Variants in TRHDE observed in about 807,000 individuals in gnomAD.
TRHDE encodes thyrotropin-releasing hormone-degrading ectoenzyme.
TRHDE carries 72 observed loss-of-function variants against 125.7 expected under a neutral mutation model. The observed-to-expected ratio is 0.57, with a 90% CI of 0.47 to 0.70. The LOEUF (loss-of-function observed/expected upper bound fraction) is 0.70, where lower values mean the gene tolerates loss of function less well. Ranked by LOEUF, TRHDE falls within the 30% of genes least tolerant of loss-of-function variation. TRHDE has a pLI of 0.00. For synonymous variants in TRHDE, 509 were observed against 509.1 expected, an observed-to-expected ratio of 1.00 and a Z score of 0.00; for missense variants, 1,110 against 1,327.1, an observed-to-expected ratio of 0.84 and a Z score of 2.54.
chr12:72,414,876 T>C (rs1177907798), intron 3 of TRHDE, among the ~76,000 whole-genome samples: 1 of 152,158 alleles, frequency 6.6e-6, no homozygotes, highest in East Asian at 1.9e-4. Flanking sequence ...ACTATGCTTT[T>C]ATTTTTAATG....
intron 18 of TRHDE, among the ~76,000 whole-genome samples, chr12:72,660,910 A>G (rs1270869144): frequency 6.6e-6 from 1 of 152,112 alleles, no homozygotes; most frequent in Admixed American, 6.6e-5. Flanking sequence ...AGGGGTTTGT[A>G]AGGCACTGTG....
intron 12 of TRHDE, among the ~76,000 whole-genome samples, chr12:72,594,293 T>C (rs1871826529): frequency 6.6e-6 from 1 of 152,038 alleles, no homozygotes; most frequent in African/African-American, 2.4e-5. Flanking sequence ...CATGTGTCTG[T>C]TGGTTGCATA....
chr12:72,213,207 A>C (rs1204461350), intron 2 of TRHDE, among the ~76,000 whole-genome samples: 3 of 152,096 alleles, frequency 2.0e-5, no homozygotes, highest in Non-Finnish European at 4.4e-5. Context: ...GTGTATTGAG[A>C]GTGACTGTTA....
chr12:72,465,640 T>G (rs1216995816), intron 3 of TRHDE, among the ~76,000 whole-genome samples: 1 of 152,176 alleles, frequency 6.6e-6, no homozygotes, highest in African/African-American at 2.4e-5. Flanking sequence ...TTGTTCCTAG[T>G]TTTTAGCTAC....
chr12:72,568,093 T>C (rs1870536460), intron 9 of TRHDE, among the ~76,000 whole-genome samples: 1 of 152,074 alleles, frequency 6.6e-6, no homozygotes, highest in African/African-American at 2.4e-5. Flanking sequence ...AGATACGTCA[T>C]ATTAACTTTT....
intron 12 of TRHDE, among the ~76,000 whole-genome samples, chr12:72,603,453 C>T (rs1219109798): frequency 2.0e-5 from 3 of 151,986 alleles, no homozygotes; most frequent in African/African-American, 4.8e-5. Context: ...GGGCCGAGCG[C>T]GGTGTCTCAA....
At chr12:72,182,898 T>C (rs1877123171) in intron 2 of TRHDE, among the ~76,000 whole-genome samples, 2 of 152,204 alleles carry the variant, frequency 1.3e-5, no homozygotes, top group African/African-American at 4.8e-5. Context: ...GAGAGGCTTA[T>C]TTTCTCCATA....
At chr12:72,480,323 T>A (rs1266690356) in intron 5 of TRHDE, among the ~76,000 whole-genome samples, 6 of 151,480 alleles carry the variant, frequency 4.0e-5, no homozygotes, top group Admixed American at 4.0e-4. Flanking sequence ...CTCCAGCACC[T>A]GTTGTTTCCT....
At chr12:72,498,785 A>G (rs589575) in intron 5 of TRHDE, among the ~76,000 whole-genome samples, 14 of 152,278 alleles carry the variant, frequency 9.2e-5, no homozygotes, top group South Asian at 6.2e-4. Flanking sequence ...CAGAGAATGG[A>G]AGTCTTATGA....
At chr12:72,519,533 T>A (rs929318174) in intron 6 of TRHDE, among the ~76,000 whole-genome samples, 1 of 152,174 alleles carries the variant, frequency 6.6e-6, no homozygotes, top group African/African-American at 2.4e-5. Flanking sequence ...GTTATTCTAG[T>A]TATACATTCT....
intron 5 of TRHDE, among the ~76,000 whole-genome samples, chr12:72,486,358 C>T (rs1254105653): frequency 6.6e-6 from 1 of 152,180 alleles, no homozygotes; most frequent in African/African-American, 2.4e-5. Context: ...TGTGCTTTGA[C>T]TCCAAGTACC....
chr12:72,637,691 C>T (rs541886696), intron 15 of TRHDE, among the ~76,000 whole-genome samples: 1 of 152,256 alleles, frequency 6.6e-6, no homozygotes, highest in East Asian at 1.9e-4. Flanking sequence ...CCCAGAGATT[C>T]TGGTATGTTG....
At chr12:72,562,810 AT>A (rs1870243025) in intron 8 of TRHDE, 42 bp from the exon 9 acceptor site, 2 of 1,280,630 alleles carry the variant, frequency 1.6e-6, no homozygotes, top group South Asian at 3.0e-5. Flanking sequence ...AATGTTGATA[AT>A]TCATGTTTAT....
At chr12:72,451,422 G>A (rs909193845) in intron 3 of TRHDE, among the ~76,000 whole-genome samples, 5 of 152,166 alleles carry the variant, frequency 3.3e-5, no homozygotes, top group African/African-American at 1.2e-4. Flanking sequence ...TTTGCCAAAA[G>A]TCAATTGACC....
intron 3 of TRHDE, among the ~76,000 whole-genome samples, chr12:72,401,940 A>G (rs192561424): frequency 8.7e-4 from 133 of 152,272 alleles, no homozygotes; most frequent in African/African-American, 3.1e-3. Flanking sequence ...AATGGTTACT[A>G]CTACTGATTT....
Position 72,114,937 on chromosome 12 carries a change from T to G in TRHDE, n.279+9185T>G, listed in dbSNP as rs551407899. Among the ~76,000 whole-genome samples, 6 of 152,218 alleles carry G rather than the reference T, an allele frequency of 3.9e-5. No homozygotes were observed. In the East Asian group the frequency reaches 1.2e-3, roughly 29 times the overall value. ...CTACAAGATAAATTTATTATTTTAT[T>G]TAAAAAAATTTCTTATTTTAAAATT... On this transcript the variant is annotated intron_variant and non_coding_transcript_variant, in intron 2 of 4. Transcript: ENST00000548156.
chr12:72,642,978 G>T (rs920852845), intron 15 of TRHDE, among the ~76,000 whole-genome samples: 2 of 152,130 alleles, frequency 1.3e-5, no homozygotes, highest in Non-Finnish European at 2.9e-5. Flanking sequence ...TACAAATTTA[G>T]CAACAAAAGG....
intron 3 of TRHDE, among the ~76,000 whole-genome samples, chr12:72,399,595 T>C (rs1415023341): frequency 6.6e-6 from 1 of 152,118 alleles, no homozygotes; most frequent in African/African-American, 2.4e-5. Context: ...TGAAAAACAC[T>C]ATAGTTCTTG....
At chr12:72,371,516 T>A (rs1734388640) in intron 2 of TRHDE, among the ~76,000 whole-genome samples, 1 of 151,762 alleles carries the variant, frequency 6.6e-6, no homozygotes, top group African/African-American at 2.4e-5. Flanking sequence ...GCATTAGGTA[T>A]ATCTCCTAAT....
Sources: gnomAD v4.1 joint callset for allele counts (sites outside exome capture counted in the v4.1 genomes callset) on GRCh38, gnomAD v4.1.1 for gene constraint, MANE v1.5 for transcripts, NCBI Gene and HGNC (gene_info 2026-07-23, HGNC 2026-07-21) for gene names.